DSCAM: variants seen among roughly 807,000 people sequenced by gnomAD.
DSCAM encodes the protein cell adhesion molecule DSCAM.
A neutral mutation model predicts 217.7 loss-of-function variants in DSCAM; 47 were observed. The ratio of observed to expected loss-of-function variants is 0.22; its 90% CI spans 0.17 to 0.28. The LOEUF (loss-of-function observed/expected upper bound fraction) is 0.28. Ranked by LOEUF, DSCAM falls within the 10% of genes least tolerant of loss-of-function variation. DSCAM has a pLI of 1.00. For synonymous variants in DSCAM, 1,056 were observed against 1,015.3 expected, an observed-to-expected ratio of 1.04 and a Z score of -0.76; for missense variants, 2,080 against 2,618.3, an observed-to-expected ratio of 0.79 and a Z score of 4.49.
intron 1 of DSCAM, among the ~76,000 whole-genome samples, chr21:40,713,478 G>T (rs370808644): frequency 5.9e-5 from 9 of 152,206 alleles, no homozygotes; most frequent in African/African-American, 1.9e-4. Flanking sequence ...AGATGGGAAG[G>T]ATTGCTGTCT....
rs143312479 is a variant in DSCAM at position 40,708,961 on chromosome 21, C to T, written c.44-190G>A. On this transcript the variant is annotated intron_variant, in intron 1 of 32. Coordinates refer to ENST00000400454, the MANE Select transcript of DSCAM (RefSeq NM_001389.5). Reference sequence around the variant, plus strand: ...CTGATACTAAAAAATAAGGCACCATCCTAATTTCACATTTTGTACACAAAC... The same window carrying T: ...CTGATACTAAAAAATAAGGCACCATTCTAATTTCACATTTTGTACACAAAC... Among the ~76,000 whole-genome samples, 508 of 152,278 alleles carry T rather than the reference C, an allele frequency of 3.3e-3. 2 individuals carry two copies. Among genetic ancestry groups the T allele is most frequent in the African/African-American group, 0.012 (495 of 41,562 alleles).
chr21:40,332,362 A>T (rs963940608), intron 8 of DSCAM, among the ~76,000 whole-genome samples: 4 of 152,194 alleles, frequency 2.6e-5, no homozygotes, highest in Non-Finnish European at 5.9e-5. Flanking sequence ...TTACTGGGTG[A>T]CTGTGCGCAG....
At chr21:40,694,552 A>G (rs912596561) in intron 2 of DSCAM, among the ~76,000 whole-genome samples, 5 of 152,116 alleles carry the variant, frequency 3.3e-5, no homozygotes, top group African/African-American at 1.2e-4. Context: ...TTCCATTTTT[A>G]ACATTAGCCG....
At chr21:40,161,425 A>G (rs115695407) in intron 16 of DSCAM, among the ~76,000 whole-genome samples, 1 of 149,804 alleles carries the variant, frequency 6.7e-6, no homozygotes, top group African/African-American at 2.5e-5. Flanking sequence ...TTTTTTTTAA[A>G]AGCACCACCT....
chr21:40,522,678 A>AC (rs2076368538), intron 3 of DSCAM, among the ~76,000 whole-genome samples: 1 of 152,186 alleles, frequency 6.6e-6, no homozygotes, highest in South Asian at 2.1e-4. Context: ...GATCGTCATG[A>AC]GCAAAACAAA....
At position 40,276,219 on chromosome 21, in the gene DSCAM, A is replaced by C; in HGVS notation, c.2234T>G (p.Val745Gly). Residue 745 changes from valine to glycine, a missense_variant, in exon 11 of 33, where the codon GTT becomes GGT. Physicochemically the swap from Val to Gly is moderately radical, Grantham distance 109. Coordinates refer to ENST00000400454, the MANE Select transcript of DSCAM (RefSeq NM_001389.5). ...GATCAGCAACGACCCATTGCTGAGA[A>C]CTTGGATTCGGCCATTTAGGGCAAT... ...QPIALNGRIQVLSNGSLLIKH... is the reference protein window; with the variant it reads ...QPIALNGRIQGLSNGSLLIKH... 6.2e-7 allele frequency: 1 copy of C among 1,612,800 alleles called. No homozygotes were observed. The highest frequency in any genetic ancestry group is 8.5e-7 in the Non-Finnish European group (1 of 1,179,416).
At chr21:40,552,094 T>C (rs2146160741) in intron 3 of DSCAM, among the ~76,000 whole-genome samples, 1 of 152,252 alleles carries the variant, frequency 6.6e-6, no homozygotes, top group East Asian at 1.9e-4. Flanking sequence ...GGTGGGCGGA[T>C]CATGAGGTCA....
Position 40,376,538 on chromosome 21 carries a change from GAT to G in DSCAM, c.509-7295_509-7294del, listed in dbSNP as rs1569092880. Reference sequence around the variant, plus strand: ...TATCTATATATCTTATATAGATATCGATATATCTTATATCGATATCTATATAT... The same window carrying G: ...TATCTATATATCTTATATAGATATCGATATCTTATATCGATATCTATATAT... On this transcript the variant is annotated intron_variant, in intron 3 of 32. Transcript: ENST00000400454. Among the ~76,000 whole-genome samples, 43 of 54,402 alleles carry G rather than the reference GAT, an allele frequency of 7.9e-4. 1 individual carries two copies. The highest frequency in any genetic ancestry group is 2.9e-3 in the Admixed American group (13 of 4,512). 35.7% of individuals were successfully genotyped at this position (54,402 alleles called of 152,430 possible). A position where few individuals can be genotyped will look rare whatever the true frequency, so the allele number is the denominator to read the frequency against.
At chr21:40,218,507 A>T (rs989054157) in intron 11 of DSCAM, among the ~76,000 whole-genome samples, 65 of 152,106 alleles carry the variant, frequency 4.3e-4, no homozygotes, top group African/African-American at 1.4e-3. Flanking sequence ...AATTTCAAAA[A>T]TTTTTTTCTA....
intron 9 of DSCAM, 143 bp downstream of exon 9, chr21:40,311,931 GTATTTTT>G (rs2074141970): frequency 2.0e-6 from 1 of 497,028 alleles, no homozygotes; most frequent in Non-Finnish European, 3.1e-6. Context: ...GTTTAGAGTC[GTATTTTT>G]TTTTTTTTTT....
chr21:40,301,358 G>T (rs756812494), intron 9 of DSCAM, among the ~76,000 whole-genome samples: 9 of 152,192 alleles, frequency 5.9e-5, no homozygotes, highest in Non-Finnish European at 1.0e-4. Context: ...GTCTCCAGTT[G>T]CATTCTGTGA....
intron 3 of DSCAM, among the ~76,000 whole-genome samples, chr21:40,578,261 G>A (rs1050397590): frequency 1.3e-5 from 2 of 152,130 alleles, no homozygotes; most frequent in Non-Finnish European, 2.9e-5. Flanking sequence ...CAAGTTCAAG[G>A]ATGTTCACTG....
At chr21:40,654,322 T>C (rs909703054) in intron 3 of DSCAM, among the ~76,000 whole-genome samples, 3 of 152,226 alleles carry the variant, frequency 2.0e-5, no homozygotes, top group Admixed American at 1.3e-4. Context: ...CCTAGAAGCA[T>C]GCTCTCTGCT....
intron 3 of DSCAM, among the ~76,000 whole-genome samples, chr21:40,502,343 T>A (rs541132232): frequency 6.6e-6 from 1 of 152,286 alleles, no homozygotes; most frequent in South Asian, 2.1e-4. Flanking sequence ...ATGGATTTTA[T>A]CTAATTTGAT....
rs112756869 is a variant in DSCAM at position 40,365,813 on chromosome 21, G to A, written c.655+3286C>T. Among the ~76,000 whole-genome samples, 610 of 152,218 alleles carry A rather than the reference G, an allele frequency of 4.0e-3. 3 individuals carry two copies. Among genetic ancestry groups the A allele is most frequent in the African/African-American group, 0.013 (560 of 41,536 alleles). ...TAGCTCCTAACAGCCATGAGCAGAT[G>A]TTTTTTACACATTTAACAAGTCTTT... On this transcript the variant is annotated intron_variant, in intron 4 of 32. Transcript: ENST00000400454.
In DSCAM at chr21:40,510,570, T is replaced by C. The variant is rs75529041; in HGVS notation, c.509-141325A>G. On this transcript the variant is annotated intron_variant, in intron 3 of 32. Transcript: ENST00000400454. ...AGGAAGTCAACAGAAGTTGGGTGTG[T>C]TCCAGAGTCAGCTAGGAGTTGGAAG... is the stretch of plus-strand genomic sequence containing the variant. Among the ~76,000 whole-genome samples the C allele has an allele frequency of 2.7e-3, 404 of 152,292 alleles. 1 individual carries two copies. Among genetic ancestry groups the C allele is most frequent in the African/African-American group, 9.3e-3 (387 of 41,568 alleles).
chr21:40,684,589 C>G (rs548823773), intron 3 of DSCAM, among the ~76,000 whole-genome samples: 1 of 152,340 alleles, frequency 6.6e-6, no homozygotes, highest in African/African-American at 2.4e-5. Context: ...CTCTGCTCGA[C>G]AATACCTTGA....
At chr21:40,795,322 G>C (rs2091682383) in intron 1 of DSCAM, among the ~76,000 whole-genome samples, 2 of 151,700 alleles carry the variant, frequency 1.3e-5, no homozygotes, top group African/African-American at 4.8e-5. Flanking sequence ...CCCAATGGCA[G>C]AGGCTCCAAC....
chr21:40,455,398 T>C (rs2075755377), intron 3 of DSCAM, among the ~76,000 whole-genome samples: 2 of 151,836 alleles, frequency 1.3e-5, no homozygotes, highest in African/African-American at 2.4e-5. Flanking sequence ...AATTAAAAAA[T>C]AAAAAAACTG....
Sources: gnomAD v4.1 joint callset for allele counts (sites outside exome capture counted in the v4.1 genomes callset) on GRCh38, gnomAD v4.1.1 for gene constraint, MANE v1.5 for transcripts, NCBI Gene and HGNC (gene_info 2026-07-23, HGNC 2026-07-21) for gene names.